The following BAZ2B variants were observed in gnomAD, a reference collection of about 807,000 sequenced individuals.
BAZ2B encodes bromodomain adjacent to zinc finger domain 2B.
BAZ2B carries 91 observed loss-of-function variants against 246.0 expected under a neutral mutation model. The ratio of observed to expected loss-of-function variants is 0.37; its 90% CI spans 0.31 to 0.44. The LOEUF (loss-of-function observed/expected upper bound fraction) is 0.44, where lower values mean the gene tolerates loss of function less well. BAZ2B is among the 20% of genes least tolerant of loss of function. The pLI is 1.00. For missense variants in BAZ2B, 2,332 were observed against 2,533.7 expected, an observed-to-expected ratio of 0.92 and a Z score of 1.71; for synonymous variants, 855 against 860.0, an observed-to-expected ratio of 0.99 and a Z score of 0.10.
At chr2:159,316,421 G>A (rs531353439), downstream of BAZ2B, among the ~76,000 whole-genome samples, 57 of 152,116 alleles carry the variant, frequency 3.7e-4, no homozygotes, top group African/African-American at 1.1e-3. Flanking sequence ...GGCCGGGCGC[G>A]GTGGCTCACG....
rs370634481 is a variant in BAZ2B, at chr2:159,373,108, G to C, written c.4150C>G (p.Arg1384Gly). 6.2e-7 allele frequency: 1 copy of C among 1,613,986 alleles called. No homozygotes were observed. Among genetic ancestry groups the C allele is most frequent in the Admixed American group, 1.7e-5 (1 of 60,012 alleles). Residue 1384 changes from arginine to glycine, a missense_variant, in exon 27 of 37, where the codon CGC becomes GGC. Around this residue, in one of 9 missense-constraint regions of BAZ2B, gnomAD observed 676 missense variants for 668.6 expected, o/e 1.01. Transcript: ENST00000392783. ...CATTGGGGAAGAATCCAGTACCGGC[G>C]TCTGTAACGATCTTGGCCAAACATC... ...SVMFGQDRYRRRYWILPQCGG... is the reference protein window; with the variant it reads ...SVMFGQDRYRGRYWILPQCGG...
At chr2:159,675,306 A>G in the BAZ2B span, among the ~76,000 whole-genome samples, 2 of 152,080 alleles carry the variant, frequency 1.3e-5, no homozygotes, top group African/African-American at 4.8e-5. Flanking sequence ...AAAAACGCAC[A>G]ACAGAATACA....
At chr2:159,569,257 G>A (rs1047478276) in intron 1 of BAZ2B, among the ~76,000 whole-genome samples, 3 of 152,122 alleles carry the variant, frequency 2.0e-5, no homozygotes, top group African/African-American at 7.2e-5. Context: ...ATTAATCAAA[G>A]AGAATGGCTA....
At chr2:159,417,332 G>A (rs560818645) in intron 13 of BAZ2B, among the ~76,000 whole-genome samples, 53 of 151,948 alleles carry the variant, frequency 3.5e-4, no homozygotes, top group African/African-American at 1.2e-3. Context: ...CACCATACCC[G>A]GCTAATTTTT....
chr2:159,491,645 C>T (rs1312742438), intron 2 of BAZ2B, among the ~76,000 whole-genome samples: 3 of 135,866 alleles, frequency 2.2e-5, no homozygotes, highest in Admixed American at 7.8e-5. Context: ...GGCGTGAACC[C>T]GGGAGGCGGA....
chr2:159,565,648 G>A (rs903998219), intron 1 of BAZ2B, among the ~76,000 whole-genome samples: 5 of 151,970 alleles, frequency 3.3e-5, no homozygotes, highest in East Asian at 1.9e-4. Context: ...GTTGTTGCGC[G>A]CCCCTGTAGT....
At chr2:159,571,086 G>A (rs1683893806) in intron 1 of BAZ2B, among the ~76,000 whole-genome samples, 2 of 151,998 alleles carry the variant, frequency 1.3e-5, no homozygotes, top group African/African-American at 2.4e-5. Context: ...ACTCCTGACT[G>A]CAAGTGAACC....
At chr2:159,660,104 T>C in the BAZ2B span, among the ~76,000 whole-genome samples, 2 of 152,196 alleles carry the variant, frequency 1.3e-5, no homozygotes, top group African/African-American at 4.8e-5. Flanking sequence ...CATTAAACAA[T>C]AACTCCCCAT....
chr2:159,436,210 A>T (rs1340782388), intron 8 of BAZ2B, among the ~76,000 whole-genome samples: 1 of 152,152 alleles, frequency 6.6e-6, no homozygotes, highest in Admixed American at 6.5e-5. Flanking sequence ...GGGCCATGAA[A>T]ACAAAAGTCC....
intron 3 of BAZ2B, chr2:159,461,083 C>A (rs1410157449): frequency 1.3e-5 from 2 of 152,396 alleles, no homozygotes; most frequent in African/African-American, 4.8e-5. Context: ...TGGAAACAAA[C>A]TGTTCCTTGA....
In BAZ2B at chr2:159,338,137, A is replaced by C. The variant is rs138935377; in HGVS notation, c.5455-365T>G. ...CTTCCTTTCTGTTTTCATTCCTTCC[A>C]TTATTCTTCTGTACAGGTCCTTCTG... On this transcript the variant is annotated intron_variant, in intron 31 of 36. Transcript: ENST00000392783. Among the ~76,000 whole-genome samples the C allele has an allele frequency of 1.8e-3, 271 of 152,196 alleles. 1 individual carries two copies. The highest frequency in any genetic ancestry group is 2.6e-3 in the Non-Finnish European group (176 of 67,998).
At chr2:159,534,695 C>T (rs986024569) in intron 2 of BAZ2B, among the ~76,000 whole-genome samples, 3 of 151,944 alleles carry the variant, frequency 2.0e-5, no homozygotes, top group African/African-American at 7.3e-5. Flanking sequence ...TGGCGCCCAC[C>T]TCTCAGGTTC....
At chr2:159,674,803 A>G in the BAZ2B span, among the ~76,000 whole-genome samples, 1 of 152,276 alleles carries the variant, frequency 6.6e-6, no homozygotes, top group African/African-American at 2.4e-5. Flanking sequence ...TAAATAACAT[A>G]GCCATATAGA....
chr2:159,418,372 AC>A (rs2068129648), intron 13 of BAZ2B, among the ~76,000 whole-genome samples: 2 of 152,174 alleles, frequency 1.3e-5, no homozygotes, highest in African/African-American at 4.8e-5. Flanking sequence ...GGATAGGTGA[AC>A]CCTTCATGAG....
At chr2:159,397,296 A>C (rs762745733) in intron 19 of BAZ2B, 49 bp downstream of exon 19, 1 of 1,383,836 alleles carries the variant, frequency 7.2e-7, no homozygotes, top group Non-Finnish European at 1.0e-6. Context: ...GGTTTAAGCA[A>C]TATTATAAAA....
chr2:159,591,777 C>A (rs555292980), intron 1 of BAZ2B, among the ~76,000 whole-genome samples: 1 of 152,262 alleles, frequency 6.6e-6, no homozygotes, highest in African/African-American at 2.4e-5. Flanking sequence ...GCAAAAATCA[C>A]AGTACTTTAA....
At chr2:159,332,417 T>G (rs1575679479) in intron 34 of BAZ2B, 123 bp downstream of exon 34, 1 of 959,144 alleles carries the variant, frequency 1.0e-6, no homozygotes, top group Non-Finnish European at 1.5e-6. Flanking sequence ...AGCCCAGGAG[T>G]TTTAGGCTGT....
At chr2:159,468,177 T>C (rs1214369470) in intron 3 of BAZ2B, among the ~76,000 whole-genome samples, 2 of 152,214 alleles carry the variant, frequency 1.3e-5, no homozygotes, top group African/African-American at 4.8e-5. Flanking sequence ...GCAGATCTGC[T>C]GGGTTTGATG....
chr2:159,482,700 A>C (rs925257078), intron 2 of BAZ2B, among the ~76,000 whole-genome samples: 1 of 152,182 alleles, frequency 6.6e-6, no homozygotes, highest in Non-Finnish European at 1.5e-5. Flanking sequence ...CGTTATCTTA[A>C]AATTTTCCAA....
Sources: gnomAD v4.1 joint callset for allele counts (sites outside exome capture counted in the v4.1 genomes callset) on GRCh38, gnomAD v4.1.1 for gene constraint, gnomAD v4.1.1 regional missense constraint, MANE v1.5 for transcripts, NCBI Gene and HGNC (gene_info 2026-07-23, HGNC 2026-07-21) for gene names.